The following ACYP2 variants were observed in gnomAD, a reference collection of about 807,000 sequenced individuals.
ACYP2 encodes acylphosphatase 2, also known as acylphosphatase-2.
In ACYP2, 12 loss-of-function variants were observed where a neutral mutation model predicts 11.2. That is an observed-to-expected ratio of 1.08 (90% CI 0.69 to 1.74). The LOEUF (loss-of-function observed/expected upper bound fraction) is 1.74. Ranked by LOEUF, ACYP2 falls within the 40% of genes most tolerant of loss-of-function variation. ACYP2 has a pLI of 0.00. For synonymous variants in ACYP2, 43 were observed against 32.2 expected (o/e 1.33, Z -1.13); for missense variants, 134 against 101.9 (o/e 1.31, Z -1.35).
rs751236485 is a variant in ACYP2, at chr2:54,100,397, G to C, written c.278-35056G>C. ...GGCTCACTGAAGCCTCAACCTCTGC[G>C]GCCCAAGTGATCCTCTAATCTCAGC... On this transcript the variant is annotated intron_variant, in intron 4 of 6. Transcript: ENST00000607452. Among the ~76,000 whole-genome samples, 3 of 150,788 alleles carry C rather than the reference G, an allele frequency of 2.0e-5. No homozygotes were observed. The East Asian group carries it at 5.9e-4, about 30-fold the overall frequency.
intron 6 of ACYP2, among the ~76,000 whole-genome samples, chr2:54,243,777 G>A (rs1217543837): frequency 6.6e-6 from 1 of 152,108 alleles, no homozygotes; most frequent in African/African-American, 2.4e-5. Flanking sequence ...GTTTTACCAT[G>A]TTGGCCAGGC....
chr2:54,185,452 T>C (rs1320702514), intron 6 of ACYP2, among the ~76,000 whole-genome samples: 2 of 152,184 alleles, frequency 1.3e-5, no homozygotes, highest in Non-Finnish European at 2.9e-5. Flanking sequence ...AACCCTGAAA[T>C]TTGGTTATCA....
chr2:54,075,874 G>A (rs1007110415), intron 4 of ACYP2, among the ~76,000 whole-genome samples: 4 of 151,432 alleles, frequency 2.6e-5, no homozygotes, highest in African/African-American at 9.7e-5. Context: ...TTCCCTTTTC[G>A]TAAACCTTTT....
At chr2:54,042,699 C>G (rs1675300439) in intron 2 of ACYP2, among the ~76,000 whole-genome samples, 1 of 151,796 alleles carries the variant, frequency 6.6e-6, no homozygotes, top group Non-Finnish European at 1.5e-5. Flanking sequence ...GTGAGGGGAC[C>G]CTTATTCCCT....
intron 4 of ACYP2, chr2:54,123,188 T>C (rs1680257394): frequency 7.6e-6 from 3 of 394,944 alleles, no homozygotes; most frequent in Non-Finnish European, 1.3e-5. Flanking sequence ...GACACACTAA[T>C]GATACGCCTC....
intron 2 of ACYP2, among the ~76,000 whole-genome samples, chr2:54,032,655 C>A (rs1674648498): frequency 6.6e-6 from 1 of 152,070 alleles, no homozygotes; most frequent in South Asian, 2.1e-4. Context: ...TTTTCCAATT[C>A]TGTGAAGAAA....
intron 2 of ACYP2, among the ~76,000 whole-genome samples, chr2:53,983,993 G>T (rs2104512584): frequency 6.6e-6 from 1 of 152,208 alleles, no homozygotes; most frequent in Non-Finnish European, 1.5e-5. Flanking sequence ...GATGCTGGGG[G>T]TTTATCCTGT....
intron 4 of ACYP2, among the ~76,000 whole-genome samples, chr2:54,117,898 T>C (rs1298455748): frequency 1.3e-5 from 2 of 152,212 alleles, no homozygotes; most frequent in Non-Finnish European, 2.9e-5. Flanking sequence ...ACCCAATGTG[T>C]AGCCTTTTGT....
chr2:53,987,273 G>A (rs1182435773), intron 2 of ACYP2, among the ~76,000 whole-genome samples: 2 of 151,480 alleles, frequency 1.3e-5, no homozygotes, highest in Non-Finnish European at 2.9e-5. Flanking sequence ...AGGGTGGTTA[G>A]TATGTTAAAA....
At chr2:54,248,957 A>T (rs1484838857) in intron 6 of ACYP2, among the ~76,000 whole-genome samples, 2 of 152,184 alleles carry the variant, frequency 1.3e-5, no homozygotes, top group African/African-American at 4.8e-5. Flanking sequence ...GTTAAGGAAC[A>T]TCATGAGCAA....
chr2:54,209,363 C>A (rs1184031221), intron 6 of ACYP2, among the ~76,000 whole-genome samples: 1 of 152,038 alleles, frequency 6.6e-6, no homozygotes, highest in African/African-American at 2.4e-5. Context: ...ATACCCTGTC[C>A]ATCCTAGAAT....
At chr2:54,207,299 G>T (rs937055997) in intron 6 of ACYP2, among the ~76,000 whole-genome samples, 6 of 151,694 alleles carry the variant, frequency 4.0e-5, no homozygotes, top group African/African-American at 1.5e-4. Context: ...ATTCAAGTAA[G>T]AGTTGATATT....
Position 54,102,638 on chromosome 2 carries a change from C to CAAAAAAAAAAAAAAA in ACYP2, c.278-32793_278-32779dup, listed in dbSNP as rs58842257. ...AAACCCAATTTAAGCTGGCTTAAGC[C>CAAAAAAAAAAAAAAA]AAAAAAAAAAAAAAAAAAAAAAAAA... On this transcript the variant is annotated intron_variant, in intron 4 of 6. Coordinates refer to ENST00000607452, the MANE Select transcript of ACYP2 (RefSeq NM_001320586.2). Among the ~76,000 whole-genome samples the CAAAAAAAAAAAAAAA allele has an allele frequency of 2.3e-4, 19 of 83,328 alleles. 1 individual carries two copies. The highest frequency in any genetic ancestry group is 7.7e-3 in the Middle Eastern group (1 of 130). 54.7% of individuals were successfully genotyped at this position (83,328 alleles called of 152,430 possible).
chr2:54,051,659 G>GA (rs1675873251), intron 3 of ACYP2: 1 of 719,072 alleles, frequency 1.4e-6, no homozygotes, highest in Admixed American at 1.8e-5. Flanking sequence ...GAAGTTGAAG[G>GA]AAAAATATGA....
At chr2:54,027,837 C>CTTTTTTTTTTTTTTTTTTTTTT (rs34122179) in intron 2 of ACYP2, among the ~76,000 whole-genome samples, 1 of 97,874 alleles carries the variant, frequency 1.0e-5, no homozygotes, top group Non-Finnish European at 1.9e-5. Context: ...TTCTTTCTTT[C>CTTTTTTTTTTTTTTTTTTTTTT]TTTTTTTTTT....
chr2:54,264,792 C>T (rs1458459577), intron 6 of ACYP2, among the ~76,000 whole-genome samples: 1 of 152,028 alleles, frequency 6.6e-6, no homozygotes, highest in African/African-American at 2.4e-5. Flanking sequence ...ATTCTTGGGA[C>T]AGTGGAGGAA....
chr2:53,982,846 G>GTC (rs1671839175), intron 2 of ACYP2, among the ~76,000 whole-genome samples: 1 of 148,762 alleles, frequency 6.7e-6, no homozygotes, highest in African/African-American at 2.6e-5. Context: ...GTGTGTGTGT[G>GTC]TGTGTGTGTG....
intron 2 of ACYP2, among the ~76,000 whole-genome samples, chr2:54,021,343 G>A (rs928302555): frequency 6.6e-6 from 1 of 152,186 alleles, no homozygotes; most frequent in South Asian, 2.1e-4. Flanking sequence ...TAGGGGCAAG[G>A]AGAACGAGGA....
At chr2:54,213,173 T>G (rs2010461) in intron 6 of ACYP2, among the ~76,000 whole-genome samples, 36,423 of 152,106 alleles carry the variant, frequency 0.24, 4,580 homozygotes, top group East Asian at 0.39. Context: ...CTCCCATTTT[T>G]AAGAGAGAAC....
Sources: gnomAD v4.1 joint callset for allele counts (sites outside exome capture counted in the v4.1 genomes callset) on GRCh38, gnomAD v4.1.1 for gene constraint, MANE v1.5 for transcripts, NCBI Gene and HGNC (gene_info 2026-07-23, HGNC 2026-07-21) for gene names.